The following TRIM55 variants were observed in gnomAD, a reference collection of about 807,000 sequenced individuals.
The protein encoded by TRIM55 is tripartite motif containing 55.
In TRIM55, 50 loss-of-function variants were observed where a neutral mutation model predicts 60.9. That is an observed-to-expected ratio of 0.82 (90% CI 0.65 to 1.04). The LOEUF (loss-of-function observed/expected upper bound fraction) is 1.04, where lower values mean the gene tolerates loss of function less well. Among genes scored for constraint, TRIM55 ranks in the 50% least tolerant of loss-of-function variants. TRIM55 has a pLI of 0.00. For missense variants in TRIM55, 681 were observed against 666.9 expected (o/e 1.02, Z -0.23); for synonymous variants, 237 against 238.1 (o/e 1.00, Z 0.04).
In TRIM55 at chr8:66,162,109, G is replaced by A. The variant is rs185466602; in HGVS notation, c.1524+7775G>A. 3.4e-3 allele frequency among the ~76,000 whole-genome samples: 522 copies of A among 152,076 alleles called. 1 individual carries two copies. Among genetic ancestry groups the A allele is most frequent in the Non-Finnish European group, 6.0e-3 (409 of 67,906 alleles). ...TTGTCTTGTTCTTGTTCTCAGGGGG[G>A]ATGCTTTCAACTTCTCCCTGTTCAG... On this transcript the variant is annotated intron_variant, in intron 9 of 9. Transcript: ENST00000315962.
At chr8:66,162,759 A>C (rs897043483) in intron 9 of TRIM55, among the ~76,000 whole-genome samples, 1 of 151,994 alleles carries the variant, frequency 6.6e-6, no homozygotes, top group Non-Finnish European at 1.5e-5. Context: ...ATGAAGCCCA[A>C]TTTTGTTTTC....
At chr8:66,119,423 A>G in the TRIM55 span, among the ~76,000 whole-genome samples, 1 of 152,216 alleles carries the variant, frequency 6.6e-6, no homozygotes. Context: ...TTGATGAACA[A>G]ATGGCTCCTT....
chr8:66,156,682 G>A (rs1230377599), intron 9 of TRIM55, among the ~76,000 whole-genome samples: 1 of 152,072 alleles, frequency 6.6e-6, no homozygotes, highest in East Asian at 1.9e-4. Context: ...GCTATTTCTG[G>A]CTCACTGACT....
In TRIM55 at chr8:66,174,765, A is replaced by G. The variant is rs1811833609; in HGVS notation, c.*172A>G. The G allele has an allele frequency of 5.7e-6, 3 of 529,730 alleles. No homozygotes were observed. The highest frequency in any genetic ancestry group is 2.9e-6 in the Non-Finnish European group (1 of 339,122). 32.8% of individuals were successfully genotyped at this position (529,730 alleles called of 1,614,324 possible). On this transcript the variant is annotated 3_prime_UTR_variant, in exon 10 of 10. Transcript: ENST00000315962. The stretch of plus-strand genomic sequence containing the variant: ...ATGACTTATCTAACATCTTGGGGGG[A>G]AAGAATATTTTGAGAAAATAGTTGC...
chr8:66,171,184 AG>A (rs1811607424), intron 9 of TRIM55, among the ~76,000 whole-genome samples: 1 of 152,210 alleles, frequency 6.6e-6, no homozygotes, highest in African/African-American at 2.4e-5. Flanking sequence ...TTTCACACCC[AG>A]GTAGTAAGCC....
At chr8:66,166,504 C>T (rs1811337479) in intron 9 of TRIM55, among the ~76,000 whole-genome samples, 2 of 152,206 alleles carry the variant, frequency 1.3e-5, no homozygotes, top group South Asian at 4.1e-4. Context: ...ACCTCTTCTT[C>T]CACTACACTC....
At chr8:66,126,675 A>G (rs1808830628), upstream of TRIM55, among the ~76,000 whole-genome samples, 1 of 152,186 alleles carries the variant, frequency 6.6e-6, no homozygotes, top group Non-Finnish European at 1.5e-5. Context: ...GCCTTTGTGA[A>G]GCCAGGATAA....
rs200832038 is a variant in TRIM55, at chr8:66,137,094, G to A, written c.508-1G>A. 8 of 1,613,836 alleles carry A rather than the reference G, an allele frequency of 5.0e-6. No individual in the cohort carries two copies. In the African/African-American group the frequency reaches 6.7e-5, roughly 13 times the overall value. On this transcript the variant is annotated splice_acceptor_variant, in intron 3 of 9. Coordinates refer to ENST00000315962, the MANE Select transcript of TRIM55 (RefSeq NM_184085.2). LOFTEE classifies it high-confidence loss of function. ...TTGGGTTCATGTTTTCTCTTCATTA[G>A]TCTGAGCTCAGTGATGGCATCGCCA...
intron 2 of TRIM55, among the ~76,000 whole-genome samples, chr8:66,134,054 T>C (rs1809332742): frequency 6.6e-6 from 1 of 152,232 alleles, no homozygotes. Flanking sequence ...ATTCACAGTA[T>C]TTGCTATTCC....
chr8:66,146,023 T>C (rs1810077244), intron 4 of TRIM55, among the ~76,000 whole-genome samples: 1 of 152,208 alleles, frequency 6.6e-6, no homozygotes, highest in South Asian at 2.1e-4. Flanking sequence ...AGTGACATGA[T>C]TGATTTGGAG....
chr8:66,162,040 A>T (rs914551446), intron 9 of TRIM55, among the ~76,000 whole-genome samples: 12 of 151,858 alleles, frequency 7.9e-5, no homozygotes, highest in Non-Finnish European at 1.8e-4. Flanking sequence ...TCTGGCTAGG[A>T]TTTCCAGTAC....
chr8:66,149,924 T>C (rs748276593), intron 5 of TRIM55, 46 bp downstream of exon 5: 3 of 1,434,864 alleles, frequency 2.1e-6, no homozygotes, highest in African/African-American at 2.8e-5. Flanking sequence ...AAGGTGGGTG[T>C]TGGAAAATTA....
Position 66,174,746 on chromosome 8 carries a change from T to C in TRIM55, c.*153T>C, listed in dbSNP as rs189302845. 5 of 672,920 alleles carry C rather than the reference T, an allele frequency of 7.4e-6. No individual in the cohort carries two copies. Among genetic ancestry groups the C allele is most frequent in the Non-Finnish European group, 1.1e-5 (5 of 450,854 alleles). 41.7% of individuals were successfully genotyped at this position (672,920 alleles called of 1,614,324 possible). ...CCCCAAACTGCAATTCCATATGACT[T>C]ATCTAACATCTTGGGGGGAAAGAAT... is the stretch of plus-strand genomic sequence containing the variant. On this transcript the variant is annotated 3_prime_UTR_variant, in exon 10 of 10. Coordinates refer to ENST00000315962, the MANE Select transcript of TRIM55 (RefSeq NM_184085.2).
intron 4 of TRIM55, among the ~76,000 whole-genome samples, chr8:66,141,692 C>A (rs1219879421): frequency 6.6e-6 from 1 of 152,192 alleles, no homozygotes; most frequent in Non-Finnish European, 1.5e-5. Flanking sequence ...TAGAAACATC[C>A]CTGTTTTGTA....
chr8:66,160,391 C>T (rs1810982423), intron 9 of TRIM55, among the ~76,000 whole-genome samples: 1 of 130,104 alleles, frequency 7.7e-6, no homozygotes, highest in Non-Finnish European at 1.6e-5. Flanking sequence ...GTGTGTATCA[C>T]ATTTTCTTTA....
At chr8:66,170,495 T>C (rs1811563981) in intron 9 of TRIM55, among the ~76,000 whole-genome samples, 1 of 152,204 alleles carries the variant, frequency 6.6e-6, no homozygotes, top group Admixed American at 6.5e-5. Flanking sequence ...ATTTTGTTTA[T>C]CTGCTTCTCC....
chr8:66,174,816 G>A lies in TRIM55; in HGVS notation c.*223G>A. On this transcript the variant is annotated 3_prime_UTR_variant, in exon 10 of 10. Transcript: ENST00000315962. ...AGAAAGCACTGGAAATAATAAACTT[G>A]ATCTTATACAAATCTTCTATTGTGT... 1 of 333,572 alleles carries A rather than the reference G, an allele frequency of 3.0e-6. No homozygotes were observed. Among genetic ancestry groups the A allele is most frequent in the Non-Finnish European group, 5.3e-6 (1 of 187,048 alleles). 20.7% of individuals were successfully genotyped at this position (333,572 alleles called of 1,614,324 possible). A position where few individuals can be genotyped will look rare whatever the true frequency, so the allele number is the denominator to read the frequency against.
chr8:66,142,548 T>C (rs571376709), intron 4 of TRIM55, among the ~76,000 whole-genome samples: 25 of 152,208 alleles, frequency 1.6e-4, no homozygotes, highest in South Asian at 4.1e-4. Context: ...TCAGCCCTTA[T>C]AGCGTCTACT....
chr8:66,127,180 A>G lies in TRIM55; in HGVS notation c.-89A>G. ...AGAGAAACGTAAAGGACACTTGATC[A>G]CACAATCCCTGGAATAATATCCAGG... On this transcript the variant is annotated 5_prime_UTR_variant, in exon 1 of 10. Coordinates refer to ENST00000315962, the MANE Select transcript of TRIM55 (RefSeq NM_184085.2). The G allele has an allele frequency of 7.2e-7, 1 of 1,380,050 alleles. No homozygotes were observed. The allele number at this position is 1,380,050 out of a possible 1,614,324, so 85.5% of individuals were successfully genotyped here.
Sources: gnomAD v4.1 joint callset for allele counts (sites outside exome capture counted in the v4.1 genomes callset) on GRCh38, gnomAD v4.1.1 for gene constraint, MANE v1.5 for transcripts, NCBI Gene and HGNC (gene_info 2026-07-23, HGNC 2026-07-21) for gene names.